The following VCP variants were observed in gnomAD, a reference collection of about 807,000 sequenced individuals.
VCP encodes the protein transitional endoplasmic reticulum ATPase.
In VCP, 6 loss-of-function variants were observed where a neutral mutation model predicts 85.7. The observed-to-expected ratio is 0.07, with a 90% confidence interval of 0.04 to 0.14. The LOEUF (loss-of-function observed/expected upper bound fraction) is 0.14. Ranked by LOEUF, VCP falls within the 10% of genes least tolerant of loss-of-function variation. The probability of loss-of-function intolerance (pLI) is 1.00; values close to 1 mark genes in which losing one functional copy is unlikely to be tolerated. For synonymous variants in VCP, 384 were observed against 367.1 expected, an observed-to-expected ratio of 1.05 and a Z score of -0.53; for missense variants, 353 against 1,043.4, an observed-to-expected ratio of 0.34 and a Z score of 9.12.
At chr9:35,072,209 G>C (rs906426401) in intron 1 of VCP, 128 bp downstream of exon 1, 4 of 1,446,094 alleles carry the variant, frequency 2.8e-6, no homozygotes, top group African/African-American at 3.0e-5. Context: ...TCGCCCCCTA[G>C]CTTCCCTTCC....
intron 7 of VCP, among the ~76,000 whole-genome samples, 156 bp downstream of exon 7, chr9:35,062,822 T>C (rs1313196810): frequency 6.6e-6 from 1 of 152,152 alleles, no homozygotes; most frequent in Admixed American, 6.5e-5. Flanking sequence ...CTTCCCTTTA[T>C]TGCTCTTCTG....
At chr9:35,062,848 A>T (rs1828752579) in intron 7 of VCP, 130 bp downstream of exon 7, 2 of 879,852 alleles carry the variant, frequency 2.3e-6, no homozygotes, top group Non-Finnish European at 3.8e-6. Flanking sequence ...AACATACCCC[A>T]GCATAAGAAA....
chr9:35,059,462 A>C lies in VCP; in HGVS notation c.2004+31T>G. On this transcript the variant is annotated intron_variant, in intron 14 of 16. Coordinates refer to ENST00000358901, the MANE Select transcript of VCP (RefSeq NM_007126.5). This position sits in a 1 kb window ranked among gnomAD's most constrained non-coding sequence, Gnocchi z 4.9. ...CCGTACCAGCCTGAGGACTCATGCAAGTCTCCCACAGCCCATGATCTTGCA... is the reference window on the plus strand; with the variant it reads ...CCGTACCAGCCTGAGGACTCATGCACGTCTCCCACAGCCCATGATCTTGCA... 6.2e-7 allele frequency: 1 copy of C among 1,612,680 alleles called. No individual in the cohort carries two copies. Among genetic ancestry groups the C allele is most frequent in the Non-Finnish European group, 8.5e-7 (1 of 1,179,706 alleles).
At chr9:35,067,733 TAA>T (rs1828860612) in intron 3 of VCP, among the ~76,000 whole-genome samples, 156 bp downstream of exon 3, 1 of 152,102 alleles carries the variant, frequency 6.6e-6, no homozygotes, top group African/African-American at 2.4e-5. Context: ...AACCAAAACC[TAA>T]AGACAACCCT....
rs111924414 is a variant in VCP, at chr9:35,057,441, A to G, written c.2250T>C (p.Asn750=). 1.2e-6 allele frequency: 2 copies of G among 1,614,260 alleles called. No homozygotes were observed. Among genetic ancestry groups the G allele is most frequent in the Admixed American group, 3.3e-5 (2 of 60,032 alleles). Reference sequence around the variant, plus strand: ...CAAACATCTCATACTTCCGAATGTCATTGTCACTGACAGAACGGCGCGCAA... The same window carrying G: ...CAAACATCTCATACTTCCGAATGTCGTTGTCACTGACAGAACGGCGCGCAA... ...MRFARRSVSD[N]DIRKYEMFAQ... is the part of the protein sequence containing the mutation. The change falls in exon 16 of 17, where the codon AAT becomes AAC. Residue 750 remains asparagine, a synonymous_variant. Coordinates refer to ENST00000358901, the MANE Select transcript of VCP (RefSeq NM_007126.5).
chr9:35,072,189 G>C (rs1348440344), intron 1 of VCP, 148 bp downstream of exon 1: 19 of 1,424,372 alleles, frequency 1.3e-5, no homozygotes, highest in East Asian at 3.1e-5. Flanking sequence ...CCGGGTCCAC[G>C]GCCCCTCACT....
At chr9:35,067,132 A>C (rs1176206430) in intron 3 of VCP, among the ~76,000 whole-genome samples, 3 of 152,326 alleles carry the variant, frequency 2.0e-5, no homozygotes, top group East Asian at 3.9e-4. Context: ...GGAAGGTCTT[A>C]AGCTAACAAT....
At chr9:35,063,920 T>C (rs1828777776) in intron 6 of VCP, among the ~76,000 whole-genome samples, 1 of 152,268 alleles carries the variant, frequency 6.6e-6, no homozygotes, top group Admixed American at 6.5e-5. Context: ...TATATATGTG[T>C]GTGTGTTTTG....
rs1356518831 is a variant in VCP, at chr9:35,059,071, G to A, written c.2153C>T (p.Ser718Leu). 6.2e-7 allele frequency: 1 copy of A among 1,614,066 alleles called. No homozygotes were observed. Among genetic ancestry groups the A allele is most frequent in the East Asian group, 2.2e-5 (1 of 44,868 alleles). ...RRERERQTNP[S>L]AMEVEEDDPV... ...GAAAGGATGCAGACTCACCATGGCT[G>A]ATGGGTTTGTCTGCCTCTCTCGTTC... Residue 718 changes from serine (S) to leucine (L), a missense_variant, in exon 15 of 17, where the codon TCA (serine) becomes TTA (leucine). Ser to Leu is a moderately radical substitution (Grantham distance 145). Coordinates refer to ENST00000358901, the MANE Select transcript of VCP (RefSeq NM_007126.5). The surrounding 1 kb of genome is among the most constrained non-coding windows in gnomAD (Gnocchi z 4.9).
chr9:35,065,656 C>T (rs1828814330), intron 4 of VCP, among the ~76,000 whole-genome samples: 1 of 152,116 alleles, frequency 6.6e-6, no homozygotes. Context: ...TATAGGTAGC[C>T]CAAGTTTTCA....
intron 1 of VCP, among the ~76,000 whole-genome samples, chr9:35,071,165 C>A (rs1349266119): frequency 6.6e-6 from 1 of 151,804 alleles, no homozygotes; most frequent in Non-Finnish European, 1.5e-5. Flanking sequence ...ATAAGTGACT[C>A]TTTTAAATAA....
chr9:35,060,256 G>C (rs1323696925), intron 13 of VCP, 57 bp downstream of exon 13: 1 of 1,566,308 alleles, frequency 6.4e-7, no homozygotes, highest in Non-Finnish European at 8.8e-7. Context: ...AAGAAAAACA[G>C]CCTCTATTCC....
intron 15 of VCP, among the ~76,000 whole-genome samples, chr9:35,058,759 T>G (rs1828661840): frequency 6.6e-6 from 1 of 152,194 alleles, no homozygotes; most frequent in South Asian, 2.1e-4. Context: ...AGAGTGAGAC[T>G]TCGTCTCAAA....
chr9:35,067,150 G>T (rs1464250308), intron 3 of VCP, among the ~76,000 whole-genome samples: 4 of 152,148 alleles, frequency 2.6e-5, no homozygotes, highest in African/African-American at 9.7e-5. Flanking sequence ...AATTGTCAGG[G>T]TCAGTGAAAC....
Position 35,059,391 on chromosome 9 carries a change from C to T in VCP, c.2004+102G>A, listed in dbSNP as rs1210553298. On this transcript the variant is annotated intron_variant, in intron 14 of 16. Coordinates refer to ENST00000358901, the MANE Select transcript of VCP (RefSeq NM_007126.5). This position sits in a 1 kb window ranked among gnomAD's most constrained non-coding sequence, Gnocchi z 4.9. The stretch of plus-strand genomic sequence containing the variant: ...TCAAAAATTCTACCTTCCCTTTAGA[C>T]CAACCCTAACCCCAGTGGAATCTTG... 3.2e-6 allele frequency: 5 copies of T among 1,544,244 alleles called. No homozygotes were observed. In the East Asian group the frequency reaches 9.3e-5, roughly 29 times the overall value.
In VCP at chr9:35,068,373, G is replaced by A. The variant is rs777700993; in HGVS notation, c.18-11C>T. 5 of 1,612,150 alleles carry A rather than the reference G, an allele frequency of 3.1e-6. No individual in the cohort carries two copies. Among genetic ancestry groups the A allele is most frequent in the Non-Finnish European group, 4.2e-6 (5 of 1,178,206 alleles). On this transcript the variant is annotated splice_polypyrimidine_tract_variant and intron_variant, in intron 1 of 16. Transcript: ENST00000358901. ...TCATCACCTTTTGAACTAGAAGGAG[G>A]AAATGGAGTCAGTAGATACTCCTGC...
Position 35,072,364 on chromosome 9 carries a change from T to C in VCP, c.-11A>G. ...GGCTCCAGAAGCCATGGCGCGCGCC[T>C]CTCCCGGCCGGCGGCTGTGGCGGCC... On this transcript the variant is annotated 5_prime_UTR_variant, in exon 1 of 17. Transcript: ENST00000358901. 1 of 1,477,142 alleles carries C rather than the reference T, an allele frequency of 6.8e-7. No individual in the cohort carries two copies. Among genetic ancestry groups the C allele is most frequent in the African/African-American group, 1.5e-5 (1 of 67,974 alleles). The allele number at this position is 1,477,142 out of a possible 1,614,324, so 91.5% of individuals were successfully genotyped here.
Position 35,072,247 on chromosome 9 carries a change from G to A in VCP, c.17+90C>T, listed in dbSNP as rs1354129046. ...CTTTCCTGGTCTCCACCTCTCTGACGCGCCCACGGCCAGGCCCCGCCGGGC... is the reference window on the plus strand; with the variant it reads ...CTTTCCTGGTCTCCACCTCTCTGACACGCCCACGGCCAGGCCCCGCCGGGC... On this transcript the variant is annotated intron_variant, in intron 1 of 16. Coordinates refer to ENST00000358901, the MANE Select transcript of VCP (RefSeq NM_007126.5). The A allele has an allele frequency of 6.8e-6, 10 of 1,468,490 alleles. No individual in the cohort carries two copies. The Admixed American group carries it at 8.8e-5, about 13-fold the overall frequency. The allele number at this position is 1,468,490 out of a possible 1,614,324, so 91.0% of individuals were successfully genotyped here.
Position 35,061,647 on chromosome 9 carries a change from G to A in VCP, c.1124C>T (p.Thr375Ile), listed in dbSNP as rs1331604813. 2 of 1,614,140 alleles carry A rather than the reference G, an allele frequency of 1.2e-6. No homozygotes were observed. The highest frequency in any genetic ancestry group is 1.1e-5 in the South Asian group (1 of 91,084). ...GATCTGAAGAATCTCTAAGCGTCCT[G>A]TAGCATCAGGAATTCCAATATCTAC... Reference protein sequence around the residue: ...REVDIGIPDATGRLEILQIHT... With the variant: ...REVDIGIPDAIGRLEILQIHT... Residue 375 changes from threonine (T) to isoleucine (I), a missense_variant, in exon 10 of 17, where the codon ACA becomes ATA. Thr to Ile is a moderately conservative substitution (Grantham distance 89). Coordinates refer to ENST00000358901, the MANE Select transcript of VCP (RefSeq NM_007126.5).
Sources: gnomAD v4.1 joint callset for allele counts (sites outside exome capture counted in the v4.1 genomes callset) on GRCh38, gnomAD v4.1.1 for gene constraint, Gnocchi (gnomAD v3.1) non-coding constraint, MANE v1.5 for transcripts, NCBI Gene and HGNC (gene_info 2026-07-23, HGNC 2026-07-21) for gene names.